IL16: variants seen among roughly 807,000 people sequenced by gnomAD.
The protein encoded by IL16 is pro-interleukin-16.
IL16 carries 67 observed loss-of-function variants against 110.1 expected under a neutral mutation model. The ratio of observed to expected loss-of-function variants is 0.61; its 90% CI spans 0.50 to 0.75. The LOEUF is 0.75. IL16 is among the 30% of genes least tolerant of loss of function. The pLI, the probability that IL16 is intolerant of heterozygous loss-of-function variation, is 0.00. For synonymous variants in IL16, 689 were observed against 662.9 expected (o/e 1.04, Z -0.61); for missense variants, 1,545 against 1,655.0 (o/e 0.93, Z 1.15).
intron 2 of IL16, among the ~76,000 whole-genome samples, chr15:81,230,724 C>T (rs371945476): frequency 6.6e-6 from 1 of 152,156 alleles, no homozygotes; most frequent in East Asian, 1.9e-4. Flanking sequence ...GATTTACACC[C>T]TTCATTATGG....
In IL16 at chr15:81,225,526, G is replaced by T. The variant is rs1896758890; in HGVS notation, c.127G>T (p.Asp43Tyr). 1.2e-6 allele frequency: 2 copies of T among 1,614,100 alleles called. No individual in the cohort carries two copies. The highest frequency in any genetic ancestry group is 1.7e-6 in the Non-Finnish European group (2 of 1,179,986). ...DGSSPDEKYP[D>Y]PFEISLAQGK... ...CTCTAGCCCTGATGAGAAATATCCT[G>T]ATCCCTTTGAGATTTCCTTGGCCCA... Residue 43 changes from aspartate (D) to tyrosine (Y), a missense_variant, in exon 2 of 19, where the codon GAT becomes TAT. Physicochemically the swap from Asp to Tyr is radical, Grantham distance 160. Transcript: ENST00000683961.
chr15:81,288,395 A>T (rs1899547732), intron 10 of IL16, among the ~76,000 whole-genome samples: 1 of 152,182 alleles, frequency 6.6e-6, no homozygotes, highest in South Asian at 2.1e-4. Context: ...AGAGTTTACC[A>T]TCTGCCAGGC....
At position 81,303,436 on chromosome 15, in the gene IL16, G is replaced by A; in HGVS notation, c.3319-113G>A. ...AGGTTTGAGGAGGTGATGTAACTTG[G>A]AGGCTGGCCAAGCTGGGGTTTGAGA... On this transcript the variant is annotated intron_variant, in intron 15 of 18. Coordinates refer to ENST00000683961, the MANE Select transcript of IL16 (RefSeq NM_172217.5). The surrounding 1 kb of genome is among the most constrained non-coding windows in gnomAD (Gnocchi z 4.1). The A allele has an allele frequency of 1.4e-6, 1 of 707,722 alleles. No homozygotes were observed. The highest frequency in any genetic ancestry group is 1.7e-5 in the South Asian group (1 of 58,980). 43.8% of individuals were successfully genotyped at this position (707,722 alleles called of 1,614,324 possible).
Position 81,279,573 on chromosome 15 carries a change from C to T in IL16, c.880C>T (p.Leu294Phe). The change falls in exon 8 of 19, where the codon CTC (leucine) becomes TTC (phenylalanine). Residue 294 changes from leucine (L) to phenylalanine (F), a missense_variant. Physicochemically the swap from Leu to Phe is conservative, Grantham distance 22. Around this residue, in one of 3 missense-constraint regions of IL16, gnomAD observed 1,185 missense variants for 1,238.8 expected, o/e 0.96. Transcript: ENST00000683961. ...TTTCTTTCAGCAAGCCAAAAAGGGG[C>T]TCCTCACCCTCACCGTGAGAACCCG... ...LQKFKQAKKG[L>F]LTLTVRTRLT... 2 of 1,612,548 alleles carry T rather than the reference C, an allele frequency of 1.2e-6. No homozygotes were observed. Among genetic ancestry groups the T allele is most frequent in the Non-Finnish European group, 1.7e-6 (2 of 1,179,734 alleles).
rs72744139 is a variant in IL16 at position 81,222,173 on chromosome 15, G to A, written c.-101-3126G>A. On this transcript the variant is annotated intron_variant, in intron 1 of 18. Coordinates refer to ENST00000683961, the MANE Select transcript of IL16 (RefSeq NM_172217.5). Reference sequence around the variant, plus strand: ...ACTGTGGCAATTCTTGGTGGGACAAGAATGCGAGAGGCTGTTATACCAGAA... The same window carrying A: ...ACTGTGGCAATTCTTGGTGGGACAAAAATGCGAGAGGCTGTTATACCAGAA... Among the ~76,000 whole-genome samples the A allele has an allele frequency of 6.0e-3, 907 of 152,218 alleles. 4 individuals carry two copies. Among genetic ancestry groups the A allele is most frequent in the Non-Finnish European group, 9.5e-3 (648 of 67,998 alleles).
At chr15:81,188,358 G>A (rs1403566071) in intron 1 of IL16, 1 of 456,360 alleles carries the variant, frequency 2.2e-6, no homozygotes, top group Non-Finnish European at 4.4e-6. Flanking sequence ...TGCAGAGGGT[G>A]TGTGGAGCAC....
chr15:81,248,092 G>A (rs542277816), intron 2 of IL16, among the ~76,000 whole-genome samples: 43 of 152,200 alleles, frequency 2.8e-4, no homozygotes, highest in Admixed American at 5.2e-4. Context: ...TATGTTATAA[G>A]GTGCGAACAT....
intron 10 of IL16, among the ~76,000 whole-genome samples, chr15:81,286,359 A>G (rs1461119312): frequency 1.3e-5 from 2 of 152,200 alleles, no homozygotes; most frequent in Non-Finnish European, 2.9e-5. Flanking sequence ...CCAGGCAGAG[A>G]ATATAAGGAA....
chr15:81,261,824 T>C (rs1463186433), intron 3 of IL16, among the ~76,000 whole-genome samples: 1 of 152,172 alleles, frequency 6.6e-6, no homozygotes, highest in East Asian at 1.9e-4. Flanking sequence ...ATTCTAGCCC[T>C]TTGGGAGGCT....
intron 2 of IL16, among the ~76,000 whole-genome samples, chr15:81,231,740 T>C (rs574920511): frequency 2.0e-5 from 3 of 152,334 alleles, no homozygotes; most frequent in African/African-American, 4.8e-5. Context: ...TCTTTCACAA[T>C]TGGATCTTTA....
rs771552318 is a variant in IL16, at chr15:81,292,953, A to C, written c.1818A>C (p.Lys606Asn). 5 of 1,614,146 alleles carry C rather than the reference A, an allele frequency of 3.1e-6. No homozygotes were observed. The South Asian group carries it at 5.5e-5, about 18-fold the overall frequency. Residue 606 changes from lysine to asparagine, a missense_variant, in exon 12 of 19, where the codon AAA becomes AAC. Transcript: ENST00000683961. ...AGCCTCCACCCAGAAAATACTTTAA[A>C]AGTGACAGTGACCCTCAGAAGAGTC... is the stretch of plus-strand genomic sequence containing the variant. ...KPKPPPRKYFKSDSDPQKSLE... is the reference protein window; with the variant it reads ...KPKPPPRKYFNSDSDPQKSLE...
chr15:81,207,912 C>T (rs1042283681), intron 1 of IL16, among the ~76,000 whole-genome samples: 8 of 150,370 alleles, frequency 5.3e-5, no homozygotes, highest in Non-Finnish European at 7.4e-5. Flanking sequence ...ATTGATGGGT[C>T]GAATGATAGC....
At chr15:81,183,017 ATGAG>A (rs1595928903) in intron 1 of IL16, 5 of 522,796 alleles carry the variant, frequency 9.6e-6, no homozygotes, top group South Asian at 4.7e-5. Flanking sequence ...TGTGTAGTAT[ATGAG>A]TGAGTGTGTG....
intron 6 of IL16, 35 bp downstream of exon 6, chr15:81,273,239 G>GCA (rs1192971731): frequency 1.4e-6 from 2 of 1,449,056 alleles, no homozygotes; most frequent in Non-Finnish European, 1.9e-6. Context: ...CCATGGTGGA[G>GCA]GAATCAGAAG....
At chr15:81,206,458 A>G (rs1896021283) in intron 1 of IL16, among the ~76,000 whole-genome samples, 1 of 152,214 alleles carries the variant, frequency 6.6e-6, no homozygotes, top group Admixed American at 6.5e-5. Flanking sequence ...TAATGACTGC[A>G]TTTTAATATC....
intron 4 of IL16, among the ~76,000 whole-genome samples, chr15:81,269,190 A>G (rs144184037): frequency 3.3e-5 from 5 of 152,356 alleles, no homozygotes; most frequent in African/African-American, 1.2e-4. Context: ...CGTTCTTGGT[A>G]GCTGGCTTCC....
intron 1 of IL16, among the ~76,000 whole-genome samples, chr15:81,222,841 G>T (rs1896664581): frequency 6.6e-6 from 1 of 152,084 alleles, no homozygotes; most frequent in African/African-American, 2.4e-5. Flanking sequence ...GATCAAAATG[G>T]AAAGAAGTTT....
At chr15:81,291,948 C>T (rs1057326691) in intron 11 of IL16, 1 of 455,930 alleles carries the variant, frequency 2.2e-6, no homozygotes, top group Non-Finnish European at 4.4e-6. Flanking sequence ...TTGGGTCCCC[C>T]AGGAAGCTGA....
chr15:81,210,922 A>G (rs567131981), intron 1 of IL16, among the ~76,000 whole-genome samples: 7 of 152,204 alleles, frequency 4.6e-5, no homozygotes, highest in South Asian at 2.1e-4. Flanking sequence ...TCTTATTCCA[A>G]TCCTCAAGGG....
Sources: allele counts gnomAD v4.1 joint callset (sites outside exome capture counted in the v4.1 genomes callset), GRCh38; gene constraint gnomAD v4.1.1; regional missense constraint gnomAD v4.1.1; non-coding constraint Gnocchi (gnomAD v3.1); transcripts MANE v1.5; gene names NCBI Gene and HGNC (gene_info 2026-07-23, HGNC 2026-07-21).